The following CNTLN variants were observed in gnomAD, a reference collection of about 807,000 sequenced individuals.
CNTLN encodes centlein, centrosomal protein.
In CNTLN, 212 loss-of-function variants were observed where a neutral mutation model predicts 180.0. The ratio of observed to expected loss-of-function variants is 1.18; its 90% CI spans 1.05 to 1.32. The LOEUF (loss-of-function observed/expected upper bound fraction) is 1.32, where lower values mean the gene tolerates loss of function less well. Ranked by LOEUF, CNTLN falls within the 40% of genes most tolerant of loss-of-function variation. CNTLN has a pLI of 0.00. For missense variants in CNTLN, 2,095 were observed against 1,610.9 expected (o/e 1.30, Z -5.14); for synonymous variants, 722 against 563.1 (o/e 1.28, Z -3.99).
At chr9:17,158,114 A>G (rs1038215569) in intron 2 of CNTLN, among the ~76,000 whole-genome samples, 1 of 152,222 alleles carries the variant, frequency 6.6e-6, no homozygotes, top group African/African-American at 2.4e-5. Context: ...CATGTCAGAT[A>G]AGGGATACCC....
At chr9:17,244,791 A>G (rs904784595) in intron 5 of CNTLN, among the ~76,000 whole-genome samples, 3 of 151,596 alleles carry the variant, frequency 2.0e-5, no homozygotes, top group African/African-American at 7.3e-5. Flanking sequence ...TTATTTATTT[A>G]TTTTTGTATC....
chr9:17,474,243 C>G lies in CNTLN; in HGVS notation c.3855+7352C>G, dbSNP rs571976943. Among the ~76,000 whole-genome samples the G allele has an allele frequency of 3.3e-5, 5 of 152,236 alleles. No individual in the cohort carries two copies. The South Asian group carries it at 8.3e-4, about 25-fold the overall frequency. ...TTTCACTTGGATGTCTAATAGGCAT[C>G]TCAAACTTAACATGTACAAAAAAGT... On this transcript the variant is annotated intron_variant, in intron 23 of 25. Transcript: ENST00000380647.
intron 23 of CNTLN, among the ~76,000 whole-genome samples, chr9:17,480,192 A>G (rs556166727): frequency 1.3e-5 from 2 of 152,076 alleles, no homozygotes; most frequent in Non-Finnish European, 2.9e-5. Context: ...CCCCATCTCT[A>G]AAAAACAAAA....
chr9:17,449,701 C>T (rs1325390151), intron 18 of CNTLN, among the ~76,000 whole-genome samples: 1 of 152,172 alleles, frequency 6.6e-6, no homozygotes, highest in Non-Finnish European at 1.5e-5. Flanking sequence ...TTTCCCCATA[C>T]TTGTGGGAAC....
intron 18 of CNTLN, among the ~76,000 whole-genome samples, chr9:17,445,900 C>T (rs899966981): frequency 6.7e-6 from 1 of 149,646 alleles, no homozygotes; most frequent in Non-Finnish European, 1.5e-5. Flanking sequence ...GTATAAAACC[C>T]GATTGTATGC....
chr9:17,397,114 G>GT (rs1357492194), intron 15 of CNTLN, among the ~76,000 whole-genome samples: 6 of 152,112 alleles, frequency 3.9e-5, no homozygotes, highest in Admixed American at 3.3e-4. Flanking sequence ...GTGCAAATAT[G>GT]TATGTATGAA....
At position 17,238,427 on chromosome 9, in the gene CNTLN, T is replaced by A. The variant is rs947606535; in HGVS notation, c.849+1839T>A. On this transcript the variant is annotated intron_variant, in intron 5 of 25. Coordinates refer to ENST00000380647, the MANE Select transcript of CNTLN (RefSeq NM_017738.4). The stretch of plus-strand genomic sequence containing the variant: ...CTGATCTTCTCCCAGCTTTCTCCCA[T>A]GAAGCATGGTCATAAAAGAATTCTC... 2.6e-5 allele frequency among the ~76,000 whole-genome samples: 4 copies of A among 152,312 alleles called. 1 individual carries two copies. Among genetic ancestry groups the A allele is most frequent in the Admixed American group, 2.6e-4 (4 of 15,300 alleles).
intron 3 of CNTLN, among the ~76,000 whole-genome samples, chr9:17,233,975 C>T (rs1824974036): frequency 1.3e-5 from 2 of 152,116 alleles, no homozygotes; most frequent in Non-Finnish European, 2.9e-5. Flanking sequence ...TATGAGATAT[C>T]AAAGATAATG....
intron 9 of CNTLN, 130 bp from the exon 10 acceptor site, chr9:17,332,475 T>C: frequency 1.3e-6 from 1 of 799,736 alleles, no homozygotes; most frequent in East Asian, 3.3e-5. Context: ...TTCTCTGGTA[T>C]TCCATGCAGG....
intron 18 of CNTLN, among the ~76,000 whole-genome samples, chr9:17,425,492 T>C (rs1003382625): frequency 6.6e-6 from 1 of 152,212 alleles, no homozygotes; most frequent in Admixed American, 6.5e-5. Context: ...TTCTGTTCTT[T>C]TAGCAACCCA....
At chr9:17,198,923 G>A (rs201041524) in intron 2 of CNTLN, among the ~76,000 whole-genome samples, 2 of 151,956 alleles carry the variant, frequency 1.3e-5, no homozygotes, top group Non-Finnish European at 2.9e-5. Flanking sequence ...TATATCCAGT[G>A]TATCATTGAT....
chr9:17,363,065 T>C (rs905534166), intron 12 of CNTLN, among the ~76,000 whole-genome samples: 1 of 152,244 alleles, frequency 6.6e-6, no homozygotes, highest in African/African-American at 2.4e-5. Flanking sequence ...GGACATGAAG[T>C]CATCCTTTTT....
chr9:17,146,602 C>T (rs1818474496), intron 2 of CNTLN, among the ~76,000 whole-genome samples: 2 of 152,116 alleles, frequency 1.3e-5, no homozygotes, highest in Admixed American at 1.3e-4. Context: ...ATGGAACAGA[C>T]CCTTACCAGA....
chr9:17,413,447 A>T (rs1380946426), intron 16 of CNTLN, among the ~76,000 whole-genome samples: 1 of 152,128 alleles, frequency 6.6e-6, no homozygotes, highest in Non-Finnish European at 1.5e-5. Flanking sequence ...TTTGCTCCTC[A>T]AAAGACACTA....
intron 23 of CNTLN, among the ~76,000 whole-genome samples, chr9:17,474,161 T>C (rs1832199470): frequency 6.6e-6 from 1 of 152,212 alleles, no homozygotes; most frequent in Admixed American, 6.5e-5. Flanking sequence ...AATATATATC[T>C]GTTCTCATCC....
At chr9:17,198,386 C>CTTTTTTTTTTTTTTT (rs61209273) in intron 2 of CNTLN, among the ~76,000 whole-genome samples, 15 of 109,736 alleles carry the variant, frequency 1.4e-4, no homozygotes, top group African/African-American at 3.3e-4. Flanking sequence ...TCTTTTCTTT[C>CTTTTTTTTTTTTTTT]TTTTTTTTTT....
At chr9:17,507,525 G>C (rs1833954463), downstream of CNTLN, among the ~76,000 whole-genome samples, 2 of 151,982 alleles carry the variant, frequency 1.3e-5, no homozygotes, top group Admixed American at 6.6e-5. Flanking sequence ...TGGGTTACTG[G>C]GTCAAATAGT....
chr9:17,139,167 A>C (rs1206349144), intron 1 of CNTLN, among the ~76,000 whole-genome samples: 1 of 152,006 alleles, frequency 6.6e-6, no homozygotes, highest in Non-Finnish European at 1.5e-5. Context: ...GGCTCACTGT[A>C]ACCTCTGCCT....
chr9:17,334,908 A>AT (rs199952892), intron 10 of CNTLN, among the ~76,000 whole-genome samples: 2,253 of 131,656 alleles, frequency 0.017, 60 homozygotes, highest in East Asian at 0.081. Context: ...TGAATCTAAA[A>AT]TTAAAAAAAA....
Sources: allele counts gnomAD v4.1 joint callset (sites outside exome capture counted in the v4.1 genomes callset), GRCh38; gene constraint gnomAD v4.1.1; transcripts MANE v1.5; gene names NCBI Gene and HGNC (gene_info 2026-07-23, HGNC 2026-07-21).